Variants in GPC5 observed in about 807,000 individuals in gnomAD.
GPC5 encodes the protein glypican 5.
Under a neutral mutation model 53.9 loss-of-function variants are expected in GPC5, and 47 were observed. The ratio of observed to expected loss-of-function variants is 0.87; its 90% CI spans 0.69 to 1.11. The LOEUF (loss-of-function observed/expected upper bound fraction) is 1.11. GPC5 is among the 50% of genes most tolerant of loss of function. GPC5 has a pLI of 0.00. For missense variants in GPC5, 748 were observed against 713.1 expected, an observed-to-expected ratio of 1.05 and a Z score of -0.56; for synonymous variants, 286 against 263.3, an observed-to-expected ratio of 1.09 and a Z score of -0.84.
chr13:92,172,503 A>G (rs2042077774), intron 7 of GPC5, among the ~76,000 whole-genome samples: 1 of 152,218 alleles, frequency 6.6e-6, no homozygotes, highest in South Asian at 2.1e-4. Flanking sequence ...AGAAGAATCA[A>G]TTTTGAAAGA....
At chr13:92,607,879 A>G (rs1884307174) in intron 7 of GPC5, among the ~76,000 whole-genome samples, 1 of 152,008 alleles carries the variant, frequency 6.6e-6, no homozygotes, top group Non-Finnish European at 1.5e-5. Flanking sequence ...ATTCTCTTCC[A>G]CCTCTGCCTG....
intron 6 of GPC5, among the ~76,000 whole-genome samples, chr13:92,032,107 A>T (rs1383372091): frequency 6.9e-6 from 1 of 144,450 alleles, no homozygotes; most frequent in Non-Finnish European, 1.5e-5. Context: ...CAGCCATAAA[A>T]AGGAACAAAT....
chr13:92,376,787 C>T (rs1305595085), intron 7 of GPC5, among the ~76,000 whole-genome samples: 3 of 151,876 alleles, frequency 2.0e-5, no homozygotes, highest in South Asian at 2.1e-4. Context: ...GAGATTAAGG[C>T]GGGCGGATCA....
At chr13:92,826,128 A>G (rs1247132008) in intron 7 of GPC5, among the ~76,000 whole-genome samples, 2 of 152,100 alleles carry the variant, frequency 1.3e-5, no homozygotes, top group African/African-American at 2.4e-5. Context: ...GCTTGTGAAC[A>G]TGATGAGATT....
chr13:92,285,516 C>G (rs1339916827), intron 7 of GPC5, among the ~76,000 whole-genome samples: 3 of 151,754 alleles, frequency 2.0e-5, no homozygotes, highest in African/African-American at 7.3e-5. Context: ...GTAACCAAAA[C>G]AGCATGGTAG....
At chr13:92,238,570 T>C (rs2042586739) in intron 7 of GPC5, among the ~76,000 whole-genome samples, 1 of 152,074 alleles carries the variant, frequency 6.6e-6, no homozygotes, top group South Asian at 2.1e-4. Flanking sequence ...TGTTATGGAG[T>C]TATAAGAGTC....
intron 7 of GPC5, among the ~76,000 whole-genome samples, chr13:92,514,131 T>TCC (rs34833031): frequency 7.5e-6 from 1 of 133,326 alleles, no homozygotes; most frequent in Non-Finnish European, 1.6e-5. Context: ...GTTTTGCTAG[T>TCC]CCCTGCCCCC....
chr13:91,571,939 GTATATACATATACACACATA>G (rs1566516280), intron 2 of GPC5, among the ~76,000 whole-genome samples: 1 of 132,374 alleles, frequency 7.6e-6, no homozygotes, highest in South Asian at 2.6e-4. Context: ...ATACACACAT[GTATATACATATACACACATA>G]TATGTATATA....
chr13:92,226,754 A>G (rs978768261), intron 7 of GPC5, among the ~76,000 whole-genome samples: 2 of 151,424 alleles, frequency 1.3e-5, no homozygotes, highest in African/African-American at 2.4e-5. Context: ...GCTGGCCATC[A>G]CACCCAGCTG....
intron 7 of GPC5, among the ~76,000 whole-genome samples, chr13:92,821,082 G>C (rs1000359917): frequency 2.6e-4 from 39 of 152,098 alleles, no homozygotes; most frequent in African/African-American, 8.7e-4. Context: ...GTATATTCCT[G>C]ACACAAATCC....
At chr13:91,944,630 A>G (rs1453130716) in intron 6 of GPC5, among the ~76,000 whole-genome samples, 1 of 152,150 alleles carries the variant, frequency 6.6e-6, no homozygotes, top group Non-Finnish European at 1.5e-5. Flanking sequence ...TTTCTATACC[A>G]TATATTCCTT....
chr13:92,564,364 T>G (rs754329284), intron 7 of GPC5, among the ~76,000 whole-genome samples: 57 of 152,034 alleles, frequency 3.7e-4, no homozygotes, highest in Non-Finnish European at 7.4e-4. Flanking sequence ...TTCTATTGCT[T>G]TATTCACTAA....
At chr13:92,378,343 A>G (rs970135541) in intron 7 of GPC5, among the ~76,000 whole-genome samples, 1 of 152,214 alleles carries the variant, frequency 6.6e-6, no homozygotes, top group African/African-American at 2.4e-5. Flanking sequence ...GTCCACTACA[A>G]AATCCATGGG....
intron 2 of GPC5, among the ~76,000 whole-genome samples, chr13:91,672,823 G>T (rs1021595321): frequency 6.6e-6 from 1 of 152,126 alleles, no homozygotes; most frequent in African/African-American, 2.4e-5. Context: ...CAAAGACATG[G>T]AACTAACCCA....
intron 7 of GPC5, among the ~76,000 whole-genome samples, chr13:92,236,263 A>G (rs993955547): frequency 3.3e-5 from 5 of 152,220 alleles, no homozygotes; most frequent in Admixed American, 2.6e-4. Context: ...TGAAAAAATC[A>G]TAGACTCTCC....
chr13:91,660,654 A>T (rs565821518), intron 2 of GPC5, among the ~76,000 whole-genome samples: 6 of 152,322 alleles, frequency 3.9e-5, no homozygotes, highest in Admixed American at 3.9e-4. Context: ...GATGGGAAGG[A>T]TATGGTCTTT....
intron 5 of GPC5, among the ~76,000 whole-genome samples, chr13:91,810,497 T>A (rs546172363): frequency 7.9e-5 from 12 of 152,000 alleles, no homozygotes; most frequent in Non-Finnish European, 1.8e-4. Flanking sequence ...GAGAACTCTC[T>A]CTTTTTGCTG....
intron 7 of GPC5, among the ~76,000 whole-genome samples, chr13:92,296,420 C>A (rs2139190875): frequency 6.6e-6 from 1 of 152,152 alleles, no homozygotes; most frequent in Non-Finnish European, 1.5e-5. Flanking sequence ...TTGGGCAGGT[C>A]TTGCTGCTGC....
intron 7 of GPC5, among the ~76,000 whole-genome samples, chr13:92,336,143 C>G (rs1224127074): frequency 1.3e-5 from 2 of 152,158 alleles, no homozygotes; most frequent in Admixed American, 1.3e-4. Flanking sequence ...ACCAAAGCCA[C>G]TGCAAATGTG....
Sources: gnomAD v4.1 joint callset for allele counts (sites outside exome capture counted in the v4.1 genomes callset) on GRCh38, gnomAD v4.1.1 for gene constraint, MANE v1.5 for transcripts, NCBI Gene and HGNC (gene_info 2026-07-23, HGNC 2026-07-21) for gene names.